ZSWIM6: variants seen among roughly 807,000 people sequenced by gnomAD.
ZSWIM6 encodes the protein zinc finger SWIM-type containing 6, also known as zinc finger SWIM domain-containing protein 6.
A neutral mutation model predicts 113.2 loss-of-function variants in ZSWIM6; 9 were observed. The observed-to-expected ratio is 0.08, with a 90% CI of 0.05 to 0.14. ZSWIM6 has a LOEUF of 0.14. Ranked by LOEUF, ZSWIM6 falls within the 10% of genes least tolerant of loss-of-function variation. The pLI, the probability that ZSWIM6 is intolerant of heterozygous loss-of-function variation, is 1.00. For synonymous variants in ZSWIM6, 611 were observed against 606.5 expected, an observed-to-expected ratio of 1.01 and a Z score of -0.11; for missense variants, 1,162 against 1,552.2, an observed-to-expected ratio of 0.75 and a Z score of 4.22.
At chr5:61,391,418 T>G in intron 1 of ZSWIM6, 1 of 988,904 alleles carries the variant, frequency 1.0e-6, no homozygotes, top group South Asian at 1.3e-5. Flanking sequence ...TTCTTCATGC[T>G]GCTGAAGTCC....
intron 2 of ZSWIM6, 23 bp from the exon 3 acceptor site, chr5:61,490,763 A>G: frequency 6.5e-7 from 1 of 1,542,874 alleles, no homozygotes; most frequent in Non-Finnish European, 8.7e-7. Context: ...CCTGTGTGTT[A>G]TTATTTTTCT....
chr5:61,516,690 A>T (rs940563088), intron 4 of ZSWIM6, among the ~76,000 whole-genome samples: 15 of 151,740 alleles, frequency 9.9e-5, no homozygotes, highest in African/African-American at 3.4e-4. Flanking sequence ...TCATACTTTT[A>T]AAGAACTTAA....
Position 61,539,702 on chromosome 5 carries a change from C to A in ZSWIM6, c.2646C>A (p.Leu882=). Residue 882 remains leucine (L), a synonymous_variant, in exon 12 of 14, where the codon CTC becomes CTA. Coordinates refer to ENST00000252744, the MANE Select transcript of ZSWIM6 (RefSeq NM_020928.2). ...AAGATGCATTTAAAATAGCAACTCT[C>A]ATGGACAGTTTGCCAGACATCACTC... ...LAQDAFKIAT[L]MDSLPDITLL... The A allele has an allele frequency of 6.4e-7, 1 of 1,551,812 alleles. No individual in the cohort carries two copies. The highest frequency in any genetic ancestry group is 1.2e-5 in the South Asian group (1 of 84,050).
chr5:61,472,817 T>C lies in ZSWIM6; in HGVS notation c.813T>C (p.Tyr271=). The C allele has an allele frequency of 6.4e-7, 1 of 1,551,864 alleles. No individual in the cohort carries two copies. The highest frequency in any genetic ancestry group is 8.7e-7 in the Non-Finnish European group (1 of 1,147,082). Residue 271 remains tyrosine, a synonymous_variant, in exon 2 of 14, where the codon TAT becomes TAC. Coordinates refer to ENST00000252744, the MANE Select transcript of ZSWIM6 (RefSeq NM_020928.2). The surrounding 1 kb of genome is among the most constrained non-coding windows in gnomAD (Gnocchi z 4.1). ...GCTGTGGAAACAAGGACATATTTTA[T>C]TGTGCCCATGTTGTGGCACTGTCTT... ...TCSCGNKDIF[Y]CAHVVALSLY...
chr5:61,518,305 C>G lies in ZSWIM6; in HGVS notation c.1334-2958C>G, dbSNP rs13159349. ...TTATAGTCCTTTGGGTATATACCCA[C>G]TAATGGGATGGCTGGGTCAAATGGT... On this transcript the variant is annotated intron_variant, in intron 4 of 13. Transcript: ENST00000252744. 3.6e-3 allele frequency among the ~76,000 whole-genome samples: 544 copies of G among 151,516 alleles called. 14 individuals are homozygous for G. The East Asian group carries it at 0.082, about 23-fold the overall frequency.
intron 1 of ZSWIM6, among the ~76,000 whole-genome samples, chr5:61,349,533 T>A (rs1744739028): frequency 6.6e-6 from 1 of 152,204 alleles, no homozygotes; most frequent in Non-Finnish European, 1.5e-5. Context: ...GCTGGATAAG[T>A]AGGCTGGTTT....
intron 1 of ZSWIM6, among the ~76,000 whole-genome samples, chr5:61,356,185 C>T (rs542652245): frequency 2.0e-5 from 3 of 152,288 alleles, no homozygotes; most frequent in South Asian, 2.1e-4. Context: ...ACTGCAGCCC[C>T]GAACTCGGGT....
At chr5:61,467,230 GA>G (rs372302749) in intron 1 of ZSWIM6, among the ~76,000 whole-genome samples, 6 of 151,730 alleles carry the variant, frequency 4.0e-5, no homozygotes, top group Non-Finnish European at 5.9e-5. Context: ...AAATTAAAAA[GA>G]AAAAAATATC....
chr5:61,436,838 G>C (rs1057468618), intron 1 of ZSWIM6, among the ~76,000 whole-genome samples: 1 of 152,154 alleles, frequency 6.6e-6, no homozygotes, highest in African/African-American at 2.4e-5. Context: ...AATGAAACTG[G>C]TCTGTCTTTC....
intron 5 of ZSWIM6, among the ~76,000 whole-genome samples, chr5:61,524,126 A>G (rs1221845321): frequency 6.6e-6 from 1 of 152,236 alleles, no homozygotes; most frequent in Non-Finnish European, 1.5e-5. Context: ...AGGCTAAAAA[A>G]CACTTATGTG....
chr5:61,526,061 C>T (rs2112268542), intron 6 of ZSWIM6, 85 bp downstream of exon 6: 2 of 1,482,082 alleles, frequency 1.3e-6, no homozygotes, highest in Non-Finnish European at 9.1e-7. Context: ...AGGTGGAGAA[C>T]TGAAGGATTC....
intron 12 of ZSWIM6, among the ~76,000 whole-genome samples, 189 bp from the exon 13 acceptor site, chr5:61,541,695 T>G (rs1253389967): frequency 1.3e-5 from 2 of 152,206 alleles, no homozygotes; most frequent in African/African-American, 4.8e-5. Context: ...AATGTGGCTG[T>G]GGCAAGGCCA....
intron 1 of ZSWIM6, among the ~76,000 whole-genome samples, chr5:61,419,076 C>T (rs1346929980): frequency 6.6e-6 from 1 of 152,234 alleles, no homozygotes; most frequent in Admixed American, 6.5e-5. Context: ...CCTGCCTTGG[C>T]CTTCCAAAGT....
At chr5:61,414,222 T>C (rs1249882656) in intron 1 of ZSWIM6, among the ~76,000 whole-genome samples, 1 of 151,988 alleles carries the variant, frequency 6.6e-6, no homozygotes, top group African/African-American at 2.4e-5. Context: ...AGTATTAGCT[T>C]GGACTAGGGT....
intron 1 of ZSWIM6, among the ~76,000 whole-genome samples, chr5:61,404,732 A>G (rs967308768): frequency 2.0e-5 from 3 of 152,148 alleles, no homozygotes; most frequent in Non-Finnish European, 4.4e-5. Flanking sequence ...GCTCTGCCCC[A>G]TATTCTCATT....
At chr5:61,492,171 G>A (rs1214507427) in intron 3 of ZSWIM6, among the ~76,000 whole-genome samples, 1 of 151,918 alleles carries the variant, frequency 6.6e-6, no homozygotes, top group African/African-American at 2.4e-5. Context: ...CTGTTGCTGT[G>A]TAATAGGTTA....
At chr5:61,451,248 AG>A (rs1445695350) in intron 1 of ZSWIM6, among the ~76,000 whole-genome samples, 1 of 152,234 alleles carries the variant, frequency 6.6e-6, no homozygotes, top group Non-Finnish European at 1.5e-5. Context: ...AGTTAGCTTC[AG>A]GAAGTCAGGA....
intron 1 of ZSWIM6, among the ~76,000 whole-genome samples, chr5:61,370,370 C>G: frequency 6.6e-6 from 1 of 152,194 alleles, no homozygotes. Context: ...ACCATAGTCA[C>G]TATTTTAGTG....
chr5:61,378,534 G>A (rs979174978), intron 1 of ZSWIM6, among the ~76,000 whole-genome samples: 1 of 151,894 alleles, frequency 6.6e-6, no homozygotes, highest in African/African-American at 2.4e-5. Flanking sequence ...TGAGGGACAA[G>A]GACACCCTTT....
Sources: gnomAD v4.1 joint callset for allele counts (sites outside exome capture counted in the v4.1 genomes callset) on GRCh38, gnomAD v4.1.1 for gene constraint, Gnocchi (gnomAD v3.1) non-coding constraint, MANE v1.5 for transcripts, NCBI Gene and HGNC (gene_info 2026-07-23, HGNC 2026-07-21) for gene names.